LAMC2: variants seen among roughly 807,000 people sequenced by gnomAD.
LAMC2 encodes the protein laminin subunit gamma 2, also known as laminin subunit gamma-2.
LAMC2 carries 97 observed loss-of-function variants against 140.2 expected under a neutral mutation model. The ratio of observed to expected loss-of-function variants is 0.69; its 90% CI spans 0.59 to 0.82. The LOEUF is 0.82. LAMC2 is among the 40% of genes least tolerant of loss of function. The pLI is 0.00. For missense variants in LAMC2, 1,402 were observed against 1,476.1 expected (o/e 0.95, Z 0.82); for synonymous variants, 513 against 540.2 (o/e 0.95, Z 0.70).
rs532119009 is a variant in LAMC2, at chr1:183,213,506, A to T, written c.269-1947A>T. On this transcript the variant is annotated intron_variant, in intron 2 of 22. Transcript: ENST00000264144. ...AGACTATGGATACTAATCATTACAG[A>T]TACTTAAGATATAGGCTGGGTGCCC... Among the ~76,000 whole-genome samples, 14 of 152,340 alleles carry T rather than the reference A, an allele frequency of 9.2e-5. No individual in the cohort carries two copies. In the South Asian group the frequency reaches 2.9e-3, roughly 32 times the overall value.
intron 22 of LAMC2, chr1:183,240,602 C>T (rs1660107318): frequency 4.9e-6 from 7 of 1,428,740 alleles, no homozygotes; most frequent in Non-Finnish European, 6.4e-6. Flanking sequence ...GGTCACTGAA[C>T]ACCTATTGCA....
chr1:183,232,655 C>G lies in LAMC2; in HGVS notation c.2018C>G (p.Ala673Gly). The G allele has an allele frequency of 6.2e-7, 1 of 1,612,640 alleles. No individual in the cohort carries two copies. Among genetic ancestry groups the G allele is most frequent in the Non-Finnish European group, 8.5e-7 (1 of 1,179,706 alleles). The change falls in exon 14 of 23, where the codon GCT becomes GGT. Residue 673 changes from alanine to glycine, a missense_variant. By Grantham distance (60) the Ala-to-Gly change is moderately conservative (BLOSUM62 0). Transcript: ENST00000264144. ...CCCTTTCCTTCTTTGCGTTCAGGTG[C>G]TAGCAGATCCCTTGGTCTCCAGTTG... is the stretch of plus-strand genomic sequence containing the variant. ...ILRDAQISEG[A>G]SRSLGLQLAK...
At chr1:183,186,905 C>T (rs1260456207) in intron 1 of LAMC2, among the ~76,000 whole-genome samples, 1 of 152,180 alleles carries the variant, frequency 6.6e-6, no homozygotes, top group Admixed American at 6.5e-5. Context: ...ATAGTATTAG[C>T]AATACCCTTA....
chr1:183,232,439 C>G, intron 13 of LAMC2, 96 bp downstream of exon 13: 1 of 1,387,558 alleles, frequency 7.2e-7, no homozygotes, highest in Non-Finnish European at 1.0e-6. Flanking sequence ...GATATCAGTT[C>G]AGCAGTTATC....
At position 183,194,752 on chromosome 1, in the gene LAMC2, A is replaced by G. The variant is rs573419750; in HGVS notation, c.79+8321A>G. Among the ~76,000 whole-genome samples, 9 of 152,352 alleles carry G rather than the reference A, an allele frequency of 5.9e-5. No individual in the cohort carries two copies. The South Asian group carries it at 1.2e-3, about 21-fold the overall frequency. ...TTTCAACTGCTTCTTAGAGGGGCAT[A>G]GGATACCTTTTTCTAGGCCATGCAA... On this transcript the variant is annotated intron_variant, in intron 1 of 22. Transcript: ENST00000264144.
intron 2 of LAMC2, among the ~76,000 whole-genome samples, chr1:183,209,748 C>G (rs1659015465): frequency 6.6e-6 from 1 of 152,144 alleles, no homozygotes; most frequent in Non-Finnish European, 1.5e-5. Flanking sequence ...AAAGCCTGGC[C>G]TGAAGACAAG....
Position 183,234,394 on chromosome 1 carries a change from G to C in LAMC2, c.2248G>C (p.Gly750Arg). The C allele has an allele frequency of 1.9e-6, 3 of 1,614,078 alleles. No homozygotes were observed. Among genetic ancestry groups the C allele is most frequent in the Non-Finnish European group, 2.5e-6 (3 of 1,179,996 alleles). Residue 750 changes from glycine to arginine, a missense_variant, in exon 15 of 23, where the codon GGG becomes CGG. Transcript: ENST00000264144. Reference protein sequence around the residue: ...TNIPASDHYVGPNGFKSLAQE... With the variant: ...TNIPASDHYVRPNGFKSLAQE... The stretch of plus-strand genomic sequence containing the variant: ...CATTCCTGCCTCAGACCACTACGTG[G>C]GGCCAAATGGCTTTAAAAGTCTGGC...
intron 3 of LAMC2, 132 bp from the exon 4 acceptor site, chr1:183,218,258 T>G: frequency 1.3e-6 from 1 of 747,026 alleles, no homozygotes; most frequent in Non-Finnish European, 2.4e-6. Flanking sequence ...CGGGCGAGGA[T>G]GGCTAGGAGA....
At chr1:183,210,684 C>T (rs984441173) in intron 2 of LAMC2, among the ~76,000 whole-genome samples, 9 of 152,224 alleles carry the variant, frequency 5.9e-5, no homozygotes, top group Non-Finnish European at 1.0e-4. Context: ...TTCCTAAGAT[C>T]TGACTAATGC....
the LAMC2 span, among the ~76,000 whole-genome samples, chr1:183,257,850 T>C: frequency 6.6e-6 from 1 of 152,146 alleles, no homozygotes; most frequent in Non-Finnish European, 1.5e-5. Context: ...TTCTATTCTC[T>C]ATTTAGTTTT....
Position 183,238,438 on chromosome 1 carries a change from T to G in LAMC2, c.2869+17T>G. 6.5e-7 allele frequency: 1 copy of G among 1,533,608 alleles called. No individual in the cohort carries two copies. The highest frequency in any genetic ancestry group is 1.1e-5 in the South Asian group (1 of 89,530). ...ACCTCAGAGGTTAGTACTTCATGGT[T>G]CAGGTCACTTGAGTATTTTAAGTGT... On this transcript the variant is annotated intron_variant, in intron 19 of 22. Transcript: ENST00000264144.
In LAMC2 at chr1:183,226,871, A is replaced by G. The variant is rs1659642564; in HGVS notation, c.1240A>G (p.Ile414Val). Reference sequence around the variant, plus strand: ...GAGACTGGGGCCTTTTGGCACCTGTATTCCTTGTAACTGTCAAGGGGGAGG... The same window carrying G: ...GAGACTGGGGCCTTTTGGCACCTGTGTTCCTTGTAACTGTCAAGGGGGAGG... ...SARLGPFGTCIPCNCQGGGAC... is the reference protein window; with the variant it reads ...SARLGPFGTCVPCNCQGGGAC... The change falls in exon 9 of 23, where the codon ATT becomes GTT. Residue 414 changes from isoleucine (I) to valine (V), a missense_variant. Physicochemically the swap from Ile to Val is conservative, Grantham distance 29. Transcript: ENST00000264144. 8 of 1,614,176 alleles carry G rather than the reference A, an allele frequency of 5.0e-6. No homozygotes were observed. The highest frequency in any genetic ancestry group is 6.8e-6 in the Non-Finnish European group (8 of 1,180,024).
chr1:183,201,250 T>TA (rs1658697097), intron 1 of LAMC2, among the ~76,000 whole-genome samples: 1 of 152,282 alleles, frequency 6.6e-6, no homozygotes, highest in Middle Eastern at 3.4e-3. Flanking sequence ...TTGTTTTGTT[T>TA]ACTGACCTTA....
chr1:183,239,212 A>G lies in LAMC2; in HGVS notation c.2870-152A>G, dbSNP rs1380047173. On this transcript the variant is annotated intron_variant, in intron 19 of 22. Coordinates refer to ENST00000264144, the MANE Select transcript of LAMC2 (RefSeq NM_005562.3). ...TATAACCCCTCCAATGCATCTTTTAAGAAAGTTAATTCCAGCCGTAACTTC... is the reference window on the plus strand; with the variant it reads ...TATAACCCCTCCAATGCATCTTTTAGGAAAGTTAATTCCAGCCGTAACTTC... The G allele has an allele frequency of 7.7e-6, 6 of 781,532 alleles. No homozygotes were observed. In the Admixed American group the frequency reaches 1.2e-4, roughly 15 times the overall value. 48.4% of individuals were successfully genotyped at this position (781,532 alleles called of 1,614,324 possible).
chr1:183,253,261 TTATAC>T, the LAMC2 span, among the ~76,000 whole-genome samples: 2 of 148,014 alleles, frequency 1.4e-5, no homozygotes, highest in Admixed American at 6.8e-5. Context: ...AATTTATATA[TTATAC>T]TATATTATAT....
rs1201179114 is a variant in LAMC2, at chr1:183,237,293, A to G, written c.2602-59A>G. ...CAAACAATGGTGCCAGGTCCTAACA[A>G]GGCTGGTGTGGTAACTGGTAAGCAG... On this transcript the variant is annotated intron_variant, in intron 17 of 22. Transcript: ENST00000264144. 2.5e-6 allele frequency: 4 copies of G among 1,592,882 alleles called. No homozygotes were observed. The East Asian group carries it at 8.9e-5, about 36-fold the overall frequency.
chr1:183,238,105 G>A (rs185908206), intron 18 of LAMC2, among the ~76,000 whole-genome samples: 2 of 152,264 alleles, frequency 1.3e-5, no homozygotes, highest in East Asian at 1.9e-4. Flanking sequence ...TGTCCCTGAT[G>A]GTGGACTAGA....
At chr1:183,216,817 A>C (rs1162812633) in intron 3 of LAMC2, among the ~76,000 whole-genome samples, 1 of 152,106 alleles carries the variant, frequency 6.6e-6, no homozygotes, top group East Asian at 1.9e-4. Context: ...CTGGAGTGGG[A>C]AGAGGCACCT....
At chr1:183,198,694 C>T (rs936480154) in intron 1 of LAMC2, among the ~76,000 whole-genome samples, 3 of 152,196 alleles carry the variant, frequency 2.0e-5, no homozygotes, top group Admixed American at 6.5e-5. Context: ...GCTGCCTGAG[C>T]ACTGCAAACT....
Sources: allele counts gnomAD v4.1 joint callset (sites outside exome capture counted in the v4.1 genomes callset), GRCh38; gene constraint gnomAD v4.1.1; transcripts MANE v1.5; gene names NCBI Gene and HGNC (gene_info 2026-07-23, HGNC 2026-07-21).